COL27A1: variants seen among roughly 807,000 people sequenced by gnomAD.
COL27A1 encodes collagen type XXVII alpha 1 chain.
A neutral mutation model predicts 251.3 loss-of-function variants in COL27A1; 106 were observed. The ratio of observed to expected loss-of-function variants is 0.42; its 90% CI spans 0.36 to 0.50. The LOEUF is 0.50. Ranked by LOEUF, COL27A1 falls within the 20% of genes least tolerant of loss-of-function variation. The probability of loss-of-function intolerance (pLI) is 0.00; values close to 1 mark genes in which losing one functional copy is unlikely to be tolerated. For synonymous variants in COL27A1, 1,000 were observed against 986.3 expected (o/e 1.01, Z -0.26); for missense variants, 2,325 against 2,522.8 (o/e 0.92, Z 1.68).
Position 114,171,482 on chromosome 9 carries a change from G to A in COL27A1, c.1908+2019G>A, listed in dbSNP as rs1545002. Among the ~76,000 whole-genome samples the A allele has an allele frequency of 1.7e-3, 251 of 150,766 alleles. 2 individuals are homozygous for A. In the South Asian group the frequency reaches 0.031, roughly 19 times the overall value. On this transcript the variant is annotated intron_variant, in intron 3 of 60. Coordinates refer to ENST00000356083, the MANE Select transcript of COL27A1 (RefSeq NM_032888.4). The stretch of plus-strand genomic sequence containing the variant: ...AAGAATCTTTTTCTTTTTTTTTTTA[G>A]AGACAGGGTCTCACTCTATCACCCA...
intron 12 of COL27A1, among the ~76,000 whole-genome samples, chr9:114,213,072 T>C (rs1347099791): frequency 1.3e-5 from 2 of 152,138 alleles, no homozygotes; most frequent in South Asian, 2.1e-4. Flanking sequence ...AATGATTAGG[T>C]CAAGGTCACA....
Position 114,220,940 on chromosome 9 carries a change from A to G in COL27A1, c.2421+1096A>G, listed in dbSNP as rs571372414. 3.3e-5 allele frequency among the ~76,000 whole-genome samples: 5 copies of G among 149,628 alleles called. No individual in the cohort carries two copies. In the East Asian group the frequency reaches 9.8e-4, roughly 29 times the overall value. On this transcript the variant is annotated intron_variant, in intron 13 of 60. Transcript: ENST00000356083. ...AACCCAGGAGGTGGAGGTTGCAGTG[A>G]GCCAAGATCACGCCACTACACTCCA...
chr9:114,292,269 A>T, intron 49 of COL27A1, 59 bp downstream of exon 49: 1 of 1,276,412 alleles, frequency 7.8e-7, no homozygotes, highest in African/African-American at 1.5e-5. Flanking sequence ...ACACTCACAT[A>T]CACCTACATG....
intron 58 of COL27A1, chr9:114,307,449 T>C: frequency 1.8e-6 from 1 of 558,646 alleles, no homozygotes; most frequent in Non-Finnish European, 3.2e-6. Flanking sequence ...GGCAAGTACT[T>C]AGCCATGTGA....
At chr9:114,277,689 G>A (rs1288978518) in intron 37 of COL27A1, among the ~76,000 whole-genome samples, 1 of 152,202 alleles carries the variant, frequency 6.6e-6, no homozygotes, top group Non-Finnish European at 1.5e-5. Flanking sequence ...GCTTGACTCA[G>A]CGGCGGGGAA....
intron 12 of COL27A1, among the ~76,000 whole-genome samples, chr9:114,216,060 A>G (rs1830690267): frequency 6.6e-6 from 1 of 152,208 alleles, no homozygotes; most frequent in South Asian, 2.1e-4. Context: ...TCTCCTTGGC[A>G]TCCTGCTTTG....
chr9:114,205,697 C>A, intron 8 of COL27A1, 62 bp from the exon 9 acceptor site: 1 of 1,439,960 alleles, frequency 6.9e-7, no homozygotes, highest in Non-Finnish European at 9.8e-7. Flanking sequence ...TCCCAGGGTC[C>A]CCCAGACCCA....
rs773299499 is a variant in COL27A1, at chr9:114,168,976, C to A, written c.1421C>A (p.Ala474Asp). Residue 474 changes from alanine (A) to aspartate (D), a missense_variant, in exon 3 of 61, where the codon GCC (alanine) becomes GAC (aspartate). Physicochemically the swap from Ala to Asp is moderately radical, Grantham distance 126. Around this residue, in one of 4 missense-constraint regions of COL27A1, gnomAD observed 1,183 missense variants for 1,144.1 expected, o/e 1.03. Transcript: ENST00000356083. ...ITSHASKPASARTSTHKPPPF... is the reference protein window; with the variant it reads ...ITSHASKPASDRTSTHKPPPF... ...AGCCATGCCAGTAAGCCGGCCTCTG[C>A]CCGCACCAGCACCCACAAACCTCCC... 19 of 1,614,182 alleles carry A rather than the reference C, an allele frequency of 1.2e-5. No individual in the cohort carries two copies. Among genetic ancestry groups the A allele is most frequent in the Non-Finnish European group, 1.6e-5 (19 of 1,180,046 alleles).
chr9:114,235,095 A>AG (rs915561982), intron 16 of COL27A1, among the ~76,000 whole-genome samples: 1 of 151,308 alleles, frequency 6.6e-6, no homozygotes, highest in African/African-American at 2.4e-5. Context: ...AAAAAAAAAA[A>AG]AAAATAGACC....
chr9:114,168,533 G>A lies in COL27A1; in HGVS notation c.978G>A (p.Lys326=). Residue 326 remains lysine, a synonymous_variant, in exon 3 of 61, where the codon AAG becomes AAA. Transcript: ENST00000356083. ...GPAQTPLLPA[K]LSASNALDPM... is the part of the protein sequence containing the mutation. ...CCCAAACCCCGCTGCTACCTGCCAAGCTGTCAGCCAGTAACGCACTTGATC... is the reference window on the plus strand; with the variant it reads ...CCCAAACCCCGCTGCTACCTGCCAAACTGTCAGCCAGTAACGCACTTGATC... The A allele has an allele frequency of 1.9e-6, 3 of 1,613,994 alleles. No individual in the cohort carries two copies. Among genetic ancestry groups the A allele is most frequent in the Non-Finnish European group, 2.5e-6 (3 of 1,179,908 alleles).
chr9:114,307,030 G>A (rs1829101806), intron 58 of COL27A1: 1 of 268,488 alleles, frequency 3.7e-6, no homozygotes, highest in Non-Finnish European at 7.2e-6. Context: ...TCTGTGAGCT[G>A]ATGTGGTGCT....
chr9:114,173,164 C>T (rs1849440637), intron 3 of COL27A1, among the ~76,000 whole-genome samples: 1 of 152,238 alleles, frequency 6.6e-6, no homozygotes, highest in African/African-American at 2.4e-5. Flanking sequence ...GGCGGGGAGG[C>T]CGTGGTTCAC....
intron 2 of COL27A1, among the ~76,000 whole-genome samples, chr9:114,163,783 A>G (rs1848650461): frequency 6.6e-6 from 1 of 151,620 alleles, no homozygotes; most frequent in South Asian, 2.1e-4. Flanking sequence ...TGCAAATGTC[A>G]TATTTTCCAA....
At chr9:114,200,355 C>T (rs995305569) in intron 7 of COL27A1, among the ~76,000 whole-genome samples, 1 of 152,216 alleles carries the variant, frequency 6.6e-6, no homozygotes, top group African/African-American at 2.4e-5. Flanking sequence ...ATTCTTCTAG[C>T]ACTCTTCTTC....
intron 1 of COL27A1, among the ~76,000 whole-genome samples, chr9:114,156,436 T>C (rs1004173683): frequency 2.0e-5 from 3 of 152,064 alleles, no homozygotes; most frequent in African/African-American, 7.2e-5. Flanking sequence ...CGTTTCTATC[T>C]GTTCTTGTGA....
intron 19 of COL27A1, 23 bp downstream of exon 19, chr9:114,237,738 G>A (rs374376817): frequency 1.7e-4 from 275 of 1,604,342 alleles, no homozygotes; most frequent in Non-Finnish European, 1.9e-4. Flanking sequence ...CCATTTCTCC[G>A]TGTCTGGCTG....
At chr9:114,292,990 C>T (rs1237184754) in intron 49 of COL27A1, among the ~76,000 whole-genome samples, 4 of 152,164 alleles carry the variant, frequency 2.6e-5, no homozygotes, top group Non-Finnish European at 4.4e-5. Flanking sequence ...GACAAATTCA[C>T]AATTATACTC....
chr9:114,299,985 A>C, intron 49 of COL27A1, 85 bp from the exon 50 acceptor site: 1 of 1,315,836 alleles, frequency 7.6e-7, no homozygotes, highest in Admixed American at 1.7e-5. Flanking sequence ...TGGGAGGGAA[A>C]AGGCAGGCCC....
intron 3 of COL27A1, among the ~76,000 whole-genome samples, chr9:114,171,151 A>C (rs1448048388): frequency 6.6e-6 from 1 of 152,184 alleles, no homozygotes; most frequent in Non-Finnish European, 1.5e-5. Context: ...ATCTCTTTGA[A>C]AAAGAGGAGG....
Sources: gnomAD v4.1 joint callset for allele counts (sites outside exome capture counted in the v4.1 genomes callset) on GRCh38, gnomAD v4.1.1 for gene constraint, gnomAD v4.1.1 regional missense constraint, MANE v1.5 for transcripts, NCBI Gene and HGNC (gene_info 2026-07-23, HGNC 2026-07-21) for gene names.